The following CD1D variants were observed in gnomAD, a reference collection of about 807,000 sequenced individuals.
CD1D encodes antigen-presenting glycoprotein CD1d.
CD1D carries 40 observed loss-of-function variants against 42.1 expected under a neutral mutation model. The ratio of observed to expected loss-of-function variants is 0.95; its 90% CI spans 0.74 to 1.24. The LOEUF is 1.24. Among genes scored for constraint, CD1D ranks in the 50% most tolerant of loss-of-function variants. The pLI is 0.00. For synonymous variants in CD1D, 178 were observed against 171.8 expected (o/e 1.04, Z -0.28); for missense variants, 437 against 416.5 (o/e 1.05, Z -0.43).
Position 158,182,105 on chromosome 1 carries a change from A to C in CD1D, c.402A>C (p.Val134=). The C allele has an allele frequency of 1.2e-6, 2 of 1,614,122 alleles. No individual in the cohort carries two copies. Among genetic ancestry groups the C allele is most frequent in the South Asian group, 2.2e-5 (2 of 91,086 alleles). The change falls in exon 3 of 6, where the codon GTA becomes GTC. Residue 134 remains valine (V), a synonymous_variant. Coordinates refer to ENST00000674085, the MANE Select transcript of CD1D (RefSeq NM_001371762.2). ...PGNASNNFFH[V]AFQGKDILSF... is the part of the protein sequence containing the mutation. ...ACGCCTCAAATAACTTCTTCCATGT[A>C]GCATTTCAAGGAAAAGATATCCTGA...
At position 158,181,535 on chromosome 1, in the gene CD1D, G is replaced by GC. The variant is rs746983952; in HGVS notation, c.143dup (p.Trp49ValfsTer73). ...CAGCTGGACGCGCACCGACGGCTTGGCGTGGCTGGGGGAGCTGCAGACGCA... is the reference window on the plus strand; with the variant it reads ...CAGCTGGACGCGCACCGACGGCTTGGCCGTGGCTGGGGGAGCTGCAGACGCA... On this transcript the variant is annotated frameshift_variant, in exon 2 of 6. Coordinates refer to ENST00000674085, the MANE Select transcript of CD1D (RefSeq NM_001371762.2). LOFTEE classifies it high-confidence loss of function. 35 of 1,614,154 alleles carry GC rather than the reference G, an allele frequency of 2.2e-5. No homozygotes were observed. Among genetic ancestry groups the GC allele is most frequent in the Non-Finnish European group, 3.0e-5 (35 of 1,180,034 alleles).
In CD1D at chr1:158,180,989, G is replaced by C. The variant is rs1413841457; in HGVS notation, c.-113G>C. 5.0e-6 allele frequency: 5 copies of C among 998,080 alleles called. No homozygotes were observed. Among genetic ancestry groups the C allele is most frequent in the Non-Finnish European group, 7.0e-6 (5 of 711,876 alleles). 61.8% of individuals were successfully genotyped at this position (998,080 alleles called of 1,614,324 possible). A position where few individuals can be genotyped will look rare whatever the true frequency, so the allele number is the denominator to read the frequency against. ...GAGGGCTGCCGGGGTCTGGGCTTGGGAATTGGCTGGCACCCAGCGGAAAGG... is the reference window on the plus strand; with the variant it reads ...GAGGGCTGCCGGGGTCTGGGCTTGGCAATTGGCTGGCACCCAGCGGAAAGG... On this transcript the variant is annotated 5_prime_UTR_variant, in exon 1 of 6. Coordinates refer to ENST00000674085, the MANE Select transcript of CD1D (RefSeq NM_001371762.2).
Position 158,186,288 on chromosome 1 carries a change from T to C in CD1D, c.*2138T>C, listed in dbSNP as rs1648700342. Among the ~76,000 whole-genome samples, 1 of 152,194 alleles carries C rather than the reference T, an allele frequency of 6.6e-6. No individual in the cohort carries two copies. Among genetic ancestry groups the C allele is most frequent in the African/African-American group, 2.4e-5 (1 of 41,444 alleles). ...GTTTGTGAACCAACCCCACTGGCCT[T>C]CTGCATTCTGAGGGCACGTGTGTTA... On this transcript the variant is annotated 3_prime_UTR_variant, in exon 6 of 6. Transcript: ENST00000674085.
At chr1:158,180,200 TTTC>T (rs1648326884), upstream of CD1D, 1 of 152,242 alleles carries the variant, frequency 6.6e-6, no homozygotes, top group Non-Finnish European at 1.5e-5. Flanking sequence ...TTGGTCACTT[TTTC>T]TTATTTTCAG....
At position 158,184,214 on chromosome 1, in the gene CD1D, C is replaced by T; in HGVS notation, c.*64C>T. The T allele has an allele frequency of 6.7e-7, 1 of 1,492,154 alleles. No homozygotes were observed. 92.4% of individuals were successfully genotyped at this position (1,492,154 alleles called of 1,614,324 possible). A position where few individuals can be genotyped will look rare whatever the true frequency, so the allele number is the denominator to read the frequency against. Reference sequence around the variant, plus strand: ...TCTGGACCTCAGGTTCCTAAGACTTCAGTCCTGGTCTGCTCAGGAATTGAA... The same window carrying T: ...TCTGGACCTCAGGTTCCTAAGACTTTAGTCCTGGTCTGCTCAGGAATTGAA... On this transcript the variant is annotated 3_prime_UTR_variant, in exon 6 of 6. Coordinates refer to ENST00000674085, the MANE Select transcript of CD1D (RefSeq NM_001371762.2).
intron 3 of CD1D, chr1:158,182,529 CAGTT>C (rs1258870426): frequency 4.8e-6 from 3 of 619,006 alleles, no homozygotes; most frequent in Admixed American, 5.9e-5. Flanking sequence ...AGGTGTCAGG[CAGTT>C]AGTTAGGATC....
rs1039369398 is a variant in CD1D, at chr1:158,185,075, A to C, written c.*925A>C. ...CTATTAAAAGAGACAATGTAGGGAA[A>C]GGGCCAACACCACTTGGGCAAGCAT... On this transcript the variant is annotated 3_prime_UTR_variant, in exon 6 of 6. Coordinates refer to ENST00000674085, the MANE Select transcript of CD1D (RefSeq NM_001371762.2). 1.8e-4 allele frequency among the ~76,000 whole-genome samples: 27 copies of C among 152,302 alleles called. No individual in the cohort carries two copies. Among genetic ancestry groups the C allele is most frequent in the African/African-American group, 6.5e-4 (27 of 41,570 alleles).
chr1:158,179,754 G>T (rs186074990), upstream of CD1D, among the ~76,000 whole-genome samples: 4 of 152,214 alleles, frequency 2.6e-5, no homozygotes, highest in Admixed American at 2.6e-4. Context: ...GTGAGGAGAA[G>T]GTCAAGAGCT....
At chr1:158,178,273 T>C (rs569305320), upstream of CD1D, among the ~76,000 whole-genome samples, 1 of 152,368 alleles carries the variant, frequency 6.6e-6, no homozygotes, top group East Asian at 1.9e-4. Context: ...TAAACTTTAT[T>C]GACTGAACTT....
At chr1:158,182,007 G>C in intron 2 of CD1D, 25 bp from the exon 3 acceptor site, 2 of 1,566,550 alleles carry the variant, frequency 1.3e-6, no homozygotes, top group South Asian at 1.2e-5. Context: ...ACCCTTCTTT[G>C]ATCTTTCTCC....
At chr1:158,179,014 C>A (rs903553552), upstream of CD1D, among the ~76,000 whole-genome samples, 15 of 151,222 alleles carry the variant, frequency 9.9e-5, no homozygotes, top group Admixed American at 4.0e-4. Flanking sequence ...AACAAAAAAA[C>A]CACACACACA....
chr1:158,181,011 A>G lies in CD1D; in HGVS notation c.-91A>G. The G allele has an allele frequency of 1.7e-6, 2 of 1,189,644 alleles. No homozygotes were observed. The highest frequency in any genetic ancestry group is 2.3e-6 in the Non-Finnish European group (2 of 874,876). The allele number at this position is 1,189,644 out of a possible 1,614,324, so 73.7% of individuals were successfully genotyped here. On this transcript the variant is annotated 5_prime_UTR_variant, in exon 1 of 6. Coordinates refer to ENST00000674085, the MANE Select transcript of CD1D (RefSeq NM_001371762.2). ...TGGGAATTGGCTGGCACCCAGCGGA[A>G]AGGGACGTGAGCTGAGCGGCGGGGG...
upstream of CD1D, among the ~76,000 whole-genome samples, chr1:158,178,380 AG>A (rs1254163710): frequency 5.3e-5 from 8 of 152,188 alleles, no homozygotes. Context: ...CTATTATAAA[AG>A]TTTCCCTGAT....
In CD1D at chr1:158,182,280, G is replaced by A; in HGVS notation, c.577G>A (p.Glu193Lys). 6.2e-7 allele frequency: 1 copy of A among 1,614,106 alleles called. No homozygotes were observed. Among genetic ancestry groups the A allele is most frequent in the East Asian group, 2.2e-5 (1 of 44,876 alleles). ...CCCCCAATTTGTCAGTGGCCTCCTT[G>A]AGTCAGGGAAGTCGGAACTGAAGAA... is the stretch of plus-strand genomic sequence containing the variant. ...TCPQFVSGLL[E>K]SGKSELKKQV... The change falls in exon 3 of 6, where the codon GAG becomes AAG. Residue 193 changes from glutamate to lysine, a missense_variant. By Grantham distance (56) the Glu-to-Lys change is moderately conservative (BLOSUM62 1). Coordinates refer to ENST00000674085, the MANE Select transcript of CD1D (RefSeq NM_001371762.2).
rs754473978 is a variant in CD1D at position 158,185,848 on chromosome 1, G to A, written c.*1698G>A. On this transcript the variant is annotated 3_prime_UTR_variant, in exon 6 of 6. Coordinates refer to ENST00000674085, the MANE Select transcript of CD1D (RefSeq NM_001371762.2). ...TCTGAGTCTGGAAGCAGGCTCAATAGTCAAGCCCCCTGGTGATTCTGATGC... is the reference window on the plus strand; with the variant it reads ...TCTGAGTCTGGAAGCAGGCTCAATAATCAAGCCCCCTGGTGATTCTGATGC... Among the ~76,000 whole-genome samples the A allele has an allele frequency of 6.0e-4, 92 of 152,194 alleles. 1 individual carries two copies. Among genetic ancestry groups the A allele is most frequent in the Non-Finnish European group, 1.2e-3 (81 of 68,036 alleles).
At position 158,185,036 on chromosome 1, in the gene CD1D, T is replaced by A. The variant is rs1648648190; in HGVS notation, c.*886T>A. Reference sequence around the variant, plus strand: ...AACGACAACGGCAACAACAACAGTCTCCTTTACTTACAGCTATTAAAAGAG... The same window carrying A: ...AACGACAACGGCAACAACAACAGTCACCTTTACTTACAGCTATTAAAAGAG... On this transcript the variant is annotated 3_prime_UTR_variant, in exon 6 of 6. Coordinates refer to ENST00000674085, the MANE Select transcript of CD1D (RefSeq NM_001371762.2). 1 of 152,166 alleles carries A rather than the reference T, an allele frequency of 6.6e-6. No individual in the cohort carries two copies. The highest frequency in any genetic ancestry group is 1.5e-5 in the Non-Finnish European group (1 of 68,024). The allele number at this position is 152,166 out of a possible 1,614,324, so 9.4% of individuals were successfully genotyped here.
At position 158,185,702 on chromosome 1, in the gene CD1D, A is replaced by G. The variant is rs1648677158; in HGVS notation, c.*1552A>G. On this transcript the variant is annotated 3_prime_UTR_variant, in exon 6 of 6. Transcript: ENST00000674085. Reference sequence around the variant, plus strand: ...CCCTGTCTTAAAAAAAAATTATGCTAGCTTTTAAATCAATGGTTCCCAAAT... The same window carrying G: ...CCCTGTCTTAAAAAAAAATTATGCTGGCTTTTAAATCAATGGTTCCCAAAT... Among the ~76,000 whole-genome samples the G allele has an allele frequency of 6.6e-6, 1 of 152,162 alleles. No individual in the cohort carries two copies. Among genetic ancestry groups the G allele is most frequent in the South Asian group, 2.1e-4 (1 of 4,828 alleles).
At chr1:158,180,440 G>A (rs536492869), upstream of CD1D, among the ~76,000 whole-genome samples, 3 of 152,186 alleles carry the variant, frequency 2.0e-5, no homozygotes, top group Non-Finnish European at 4.4e-5. Context: ...ACCATGACAG[G>A]AGGAAAGAGA....
At chr1:158,182,749 G>C (rs1648504226) in intron 3 of CD1D, 129 bp from the exon 4 acceptor site, 4 of 1,108,698 alleles carry the variant, frequency 3.6e-6, no homozygotes, top group Non-Finnish European at 5.2e-6. Flanking sequence ...TTCCAGAAGT[G>C]AACATGTCAG....
Sources: gnomAD v4.1 joint callset for allele counts (sites outside exome capture counted in the v4.1 genomes callset) on GRCh38, gnomAD v4.1.1 for gene constraint, MANE v1.5 for transcripts, NCBI Gene and HGNC (gene_info 2026-07-23, HGNC 2026-07-21) for gene names.